The following ADH6 variants were observed in gnomAD, a reference collection of about 807,000 sequenced individuals.
The protein encoded by ADH6 is alcohol dehydrogenase 6 (class V).
Under a neutral mutation model 36.5 loss-of-function variants are expected in ADH6, and 34 were observed. That is an observed-to-expected ratio of 0.93 (90% CI 0.71 to 1.24). The LOEUF (loss-of-function observed/expected upper bound fraction) is 1.24, where lower values mean the gene tolerates loss of function less well. ADH6 is among the 50% of genes most tolerant of loss of function. ADH6 has a pLI of 0.00. For missense variants in ADH6, 440 were observed against 447.0 expected (o/e 0.98, Z 0.14); for synonymous variants, 161 against 155.5 (o/e 1.04, Z -0.26).
At position 99,204,091 on chromosome 4, in the gene ADH6, C is replaced by A; in HGVS notation, c.*128G>T. ...TCAGAAGCCAGATATAGGTCCACTG[C>A]GGAGTGAATCAGAAGTCAGAATATA... On this transcript the variant is annotated 3_prime_UTR_variant, in exon 9 of 9. Transcript: ENST00000394899. 2 of 1,163,408 alleles carry A rather than the reference C, an allele frequency of 1.7e-6. No individual in the cohort carries two copies. The highest frequency in any genetic ancestry group is 2.4e-6 in the Non-Finnish European group (2 of 830,132). 72.1% of individuals were successfully genotyped at this position (1,163,408 alleles called of 1,614,324 possible). A position where few individuals can be genotyped will look rare whatever the true frequency, so the allele number is the denominator to read the frequency against.
chr4:99,205,914 A>G (rs1032182025), intron 7 of ADH6, among the ~76,000 whole-genome samples: 2 of 152,098 alleles, frequency 1.3e-5, no homozygotes, highest in East Asian at 3.9e-4. Context: ...CTTCTTCTCC[A>G]AACTACCACA....
chr4:99,204,150 A>G lies in ADH6; in HGVS notation c.*69T>C. The G allele has an allele frequency of 6.5e-7, 1 of 1,528,710 alleles. No homozygotes were observed. 94.7% of individuals were successfully genotyped at this position (1,528,710 alleles called of 1,614,324 possible). ...ATTGGGTGAATAATTCTTCTAAATC[A>G]TGAAAATTACATCAAATGCCATTGA... On this transcript the variant is annotated 3_prime_UTR_variant, in exon 9 of 9. Coordinates refer to ENST00000394899, the MANE Select transcript of ADH6 (RefSeq NM_001102470.2).
chr4:99,204,340 A>AT (rs1376514975), intron 8 of ADH6, 97 bp from the exon 9 acceptor site: 35 of 1,518,184 alleles, frequency 2.3e-5, no homozygotes, highest in Middle Eastern at 2.1e-4. Flanking sequence ...AGTAAACTAG[A>AT]TTTTTTTTCT....
At chr4:99,206,360 A>C (rs1416388283) in intron 7 of ADH6, among the ~76,000 whole-genome samples, 1 of 152,126 alleles carries the variant, frequency 6.6e-6, no homozygotes, top group African/African-American at 2.4e-5. Context: ...TAGAGTGGCC[A>C]GTGAATTAGT....
chr4:99,217,258 G>A (rs924498022), intron 1 of ADH6, among the ~76,000 whole-genome samples: 3 of 152,018 alleles, frequency 2.0e-5, no homozygotes, highest in South Asian at 2.1e-4. Context: ...GGATGTTCTT[G>A]ATCTCCTGAC....
At chr4:99,216,040 G>C in intron 2 of ADH6, 121 bp downstream of exon 2, 5 of 510,282 alleles carry the variant, frequency 9.8e-6, no homozygotes. Context: ...GAAATACAAA[G>C]ATATGTAGTT....
chr4:99,214,948 G>T (rs1009658448), intron 2 of ADH6, among the ~76,000 whole-genome samples: 1 of 152,100 alleles, frequency 6.6e-6, no homozygotes, highest in African/African-American at 2.4e-5. Context: ...CTGCAGATTG[G>T]CTTTCTCCAT....
intron 7 of ADH6, among the ~76,000 whole-genome samples, chr4:99,205,833 C>T (rs527903700): frequency 7.2e-5 from 11 of 152,128 alleles, no homozygotes; most frequent in African/African-American, 2.2e-4. Context: ...GTGTTCTATG[C>T]GGATTATTCT....
Position 99,213,696 on chromosome 4 carries a change from G to A in ADH6, c.172C>T (p.His58Tyr), listed in dbSNP as rs760612959. The A allele has an allele frequency of 3.1e-6, 5 of 1,613,806 alleles. No individual in the cohort carries two copies. In the Admixed American group the frequency reaches 8.3e-5, roughly 27 times the overall value. ...ATGGTGGGATACAAGAGGTCCAAGTGTTTACTCCCCAACACTTTCATCTCT... is the reference window on the plus strand; with the variant it reads ...ATGGTGGGATACAAGAGGTCCAAGTATTTACTCCCCAACACTTTCATCTCT... The part of the protein sequence containing the change: ...GTEMKVLGSK[H>Y]LDLLYPTILG... Residue 58 changes from histidine to tyrosine, a missense_variant, in exon 3 of 9, where the codon CAC (histidine) becomes TAC (tyrosine). By Grantham distance (83) the His-to-Tyr change is moderately conservative. Transcript: ENST00000394899.
chr4:99,216,662 T>C (rs1731442453), intron 1 of ADH6, among the ~76,000 whole-genome samples: 1 of 151,958 alleles, frequency 6.6e-6, no homozygotes, highest in Non-Finnish European at 1.5e-5. Flanking sequence ...CTGACCAACA[T>C]GGTGAAACCC....
intron 5 of ADH6, 140 bp from the exon 6 acceptor site, chr4:99,209,068 A>G (rs975941267): frequency 4.4e-6 from 4 of 915,588 alleles, no homozygotes; most frequent in Middle Eastern, 3.6e-4. Context: ...ATAACATATT[A>G]TAACTACAAA....
chr4:99,208,403 A>T, intron 6 of ADH6: 2 of 321,668 alleles, frequency 6.2e-6, no homozygotes, highest in East Asian at 5.1e-5. Context: ...TGAAAAGCAC[A>T]TTGATTTATA....
Position 99,210,482 on chromosome 4 carries a change from A to G in ADH6, c.283T>C (p.Phe95Leu). The G allele has an allele frequency of 6.2e-6, 10 of 1,611,502 alleles. No individual in the cohort carries two copies. The highest frequency in any genetic ancestry group is 8.5e-6 in the Non-Finnish European group (10 of 1,179,020). Residue 95 changes from phenylalanine (F) to leucine (L), a missense_variant, in exon 4 of 9, where the codon TTT (phenylalanine) becomes CTT (leucine). Transcript: ENST00000394899. ...VKPGDKVITL[F>L]LPQCGECTSC... The stretch of plus-strand genomic sequence containing the variant: ...GTACATTCTCCACACTGTGGCAGAA[A>G]GAGTGTGATAACTTTGTCACCTAAA...
rs1341873690 is a variant in ADH6, at chr4:99,202,753, G to A, written c.*1466C>T. The A allele has an allele frequency of 7.5e-6, 3 of 398,116 alleles. No homozygotes were observed. The highest frequency in any genetic ancestry group is 1.3e-5 in the Non-Finnish European group (3 of 225,792). 24.7% of individuals were successfully genotyped at this position (398,116 alleles called of 1,614,324 possible). The stretch of plus-strand genomic sequence containing the variant: ...CCGAAGACTCCTCCAAGTTCTCACT[G>A]TTAGTAAGGTCAATTTGGGGGCAGA... On this transcript the variant is annotated 3_prime_UTR_variant, in exon 9 of 9. Transcript: ENST00000394899.
rs1731553328 is a variant in ADH6 at position 99,219,143 on chromosome 4, T to C, written c.10A>G (p.Thr4Ala). The C allele has an allele frequency of 6.2e-7, 1 of 1,611,736 alleles. No homozygotes were observed. Among genetic ancestry groups the C allele is most frequent in the East Asian group, 2.2e-5 (1 of 44,822 alleles). MST[T>A]GQVIRCKAAI... The stretch of plus-strand genomic sequence containing the variant: ...AATAAGACTGCACCTACTTGGCCTG[T>C]AGTACTCATGCTGATTTTCTCCACC... Residue 4 changes from threonine (T) to alanine (A), a missense_variant, in exon 1 of 9, where the codon ACA (threonine) becomes GCA (alanine). By Grantham distance (58) the Thr-to-Ala change is moderately conservative. Transcript: ENST00000394899.
chr4:99,205,723 C>T (rs949450257), intron 7 of ADH6, among the ~76,000 whole-genome samples: 1 of 152,118 alleles, frequency 6.6e-6, no homozygotes, highest in Non-Finnish European at 1.5e-5. Context: ...CTAAGTGCCA[C>T]GCTCAGTGAG....
In ADH6 at chr4:99,203,448, G is replaced by A. The variant is rs1487556000; in HGVS notation, c.*771C>T. 2 of 152,044 alleles carry A rather than the reference G, an allele frequency of 1.3e-5. No individual in the cohort carries two copies. The highest frequency in any genetic ancestry group is 6.6e-5 in the Admixed American group (1 of 15,252). 9.4% of individuals were successfully genotyped at this position (152,044 alleles called of 1,614,324 possible). On this transcript the variant is annotated 3_prime_UTR_variant, in exon 9 of 9. Transcript: ENST00000394899. ...CACTTCTTGGAGGAAAAACTCCATGGAACACATTAGTAAGAAAGTATACAA... is the reference window on the plus strand; with the variant it reads ...CACTTCTTGGAGGAAAAACTCCATGAAACACATTAGTAAGAAAGTATACAA...
chr4:99,206,621 G>A (rs1009911155), intron 7 of ADH6, among the ~76,000 whole-genome samples: 9 of 151,064 alleles, frequency 6.0e-5, no homozygotes, highest in African/African-American at 2.2e-4. Flanking sequence ...AAATGAATTA[G>A]GTAAGGCTTC....
At position 99,207,531 on chromosome 4, in the gene ADH6, A is replaced by G. The variant is rs1731077621; in HGVS notation, c.879T>C (p.Val293=). The G allele has an allele frequency of 6.2e-7, 1 of 1,613,538 alleles. No individual in the cohort carries two copies. Among genetic ancestry groups the G allele is most frequent in the Non-Finnish European group, 8.5e-7 (1 of 1,179,698 alleles). The change falls in exon 7 of 9, where the codon GTT becomes GTC. Residue 293 remains valine (V), a synonymous_variant. Transcript: ENST00000394899. ...GTTGAACACTGGCAGGCAACACCCCAACAACCACACAGACCCCATAGCTCT... is the reference window on the plus strand; with the variant it reads ...GTTGAACACTGGCAGGCAACACCCCGACAACCACACAGACCCCATAGCTCT... ...CNESYGVCVV[V]GVLPASVQLK...
Sources: allele counts gnomAD v4.1 joint callset (sites outside exome capture counted in the v4.1 genomes callset), GRCh38; gene constraint gnomAD v4.1.1; transcripts MANE v1.5; gene names NCBI Gene and HGNC (gene_info 2026-07-23, HGNC 2026-07-21).